NOL9: variants seen among roughly 807,000 people sequenced by gnomAD.
NOL9 encodes nucleolar protein 9, also known as polynucleotide 5'-hydroxyl-kinase NOL9.
In NOL9, 28 loss-of-function variants were observed where a neutral mutation model predicts 67.9. The observed-to-expected ratio is 0.41, with a 90% CI of 0.31 to 0.57. The LOEUF (loss-of-function observed/expected upper bound fraction) is 0.57. Ranked by LOEUF, NOL9 falls within the 20% of genes least tolerant of loss-of-function variation. The pLI is 0.25. For missense variants in NOL9, 777 were observed against 897.0 expected (o/e 0.87, Z 1.71); for synonymous variants, 356 against 352.2 (o/e 1.01, Z -0.12).
intron 8 of NOL9, 46 bp downstream of exon 8, chr1:6,532,417 T>C (rs1639049584): frequency 1.9e-6 from 3 of 1,556,074 alleles, no homozygotes; most frequent in Non-Finnish European, 2.6e-6. Context: ...CAGGTCTTTT[T>C]CGACGGAAGG....
intron 5 of NOL9, among the ~76,000 whole-genome samples, chr1:6,542,399 G>A (rs1375372278): frequency 3.4e-5 from 5 of 146,876 alleles, no homozygotes; most frequent in Non-Finnish European, 4.5e-5. Flanking sequence ...GATCTCGTTC[G>A]TGATCTGCCC....
chr1:6,554,367 GCCGACCGCA>G lies in NOL9; in HGVS notation c.127_135del (p.Cys43_Arg45del), dbSNP rs1639622586. On this transcript the variant is annotated inframe_deletion, in exon 1 of 12. Coordinates refer to ENST00000377705, the MANE Select transcript of NOL9 (RefSeq NM_024654.5). ...TGCAGTAACCGCCACCGTAGGCGCC[GCCGACCGCA>G]CCAGCGCAGGCTCCCGAGCCGGCGG... 3.4e-6 allele frequency: 5 copies of G among 1,459,588 alleles called. No homozygotes were observed. The highest frequency in any genetic ancestry group is 4.5e-6 in the Non-Finnish European group (5 of 1,116,120). The allele number at this position is 1,459,588 out of a possible 1,614,324, so 90.4% of individuals were successfully genotyped here. A position where few individuals can be genotyped will look rare whatever the true frequency, so the allele number is the denominator to read the frequency against.
At chr1:6,527,374 T>C (rs2148648579) in intron 10 of NOL9, among the ~76,000 whole-genome samples, 1 of 151,888 alleles carries the variant, frequency 6.6e-6, no homozygotes, top group East Asian at 1.9e-4. Flanking sequence ...TTGGGCCAGC[T>C]GCGGTGGCTA....
chr1:6,526,034 A>G (rs1227100655), intron 11 of NOL9, 31 bp from the exon 12 acceptor site: 2 of 1,605,808 alleles, frequency 1.2e-6, no homozygotes, highest in Admixed American at 1.7e-5. Flanking sequence ...ATGCATGGAA[A>G]CACTCCAGGT....
intron 5 of NOL9, among the ~76,000 whole-genome samples, chr1:6,544,350 C>T (rs1332263893): frequency 1.1e-4 from 4 of 36,326 alleles, no homozygotes; most frequent in African/African-American, 3.5e-4. Context: ...AGCAAGACCT[C>T]ATCTCTACAA....
Position 6,554,117 on chromosome 1 carries a change from G to C in NOL9, c.386C>G (p.Pro129Arg), listed in dbSNP as rs909238471. Residue 129 changes from proline to arginine, a missense_variant, in exon 1 of 12, where the codon CCG (proline) becomes CGG (arginine). Physicochemically the swap from Pro to Arg is moderately radical, Grantham distance 103. Transcript: ENST00000377705. ...VGPGRALLLL[P>R]VEQGFTFSGI... Reference sequence around the variant, plus strand: ...GCGCCCCCCACCTACCTGCTCGACCGGCAGCAGCAGCAACGCGCGGCCGGG... The same window carrying C: ...GCGCCCCCCACCTACCTGCTCGACCCGCAGCAGCAGCAACGCGCGGCCGGG... The C allele has an allele frequency of 1.3e-6, 2 of 1,527,766 alleles. No homozygotes were observed. Among genetic ancestry groups the C allele is most frequent in the Non-Finnish European group, 1.8e-6 (2 of 1,137,076 alleles). 94.6% of individuals were successfully genotyped at this position (1,527,766 alleles called of 1,614,324 possible).
At chr1:6,547,033 A>G (rs546346960) in intron 3 of NOL9, among the ~76,000 whole-genome samples, 1 of 152,310 alleles carries the variant, frequency 6.6e-6, no homozygotes, top group South Asian at 2.1e-4. Flanking sequence ...GACCTACAGG[A>G]CATCACACAC....
chr1:6,532,125 C>T (rs779325138), intron 8 of NOL9, 46 bp from the exon 9 acceptor site: 97 of 1,376,738 alleles, frequency 7.0e-5, no homozygotes, highest in African/African-American at 1.0e-4. Flanking sequence ...TAACCCTCAA[C>T]GGCCACCTCC....
At chr1:6,543,580 G>C (rs978840447) in intron 5 of NOL9, among the ~76,000 whole-genome samples, 1 of 152,112 alleles carries the variant, frequency 6.6e-6, no homozygotes, top group Non-Finnish European at 1.5e-5. Flanking sequence ...GCTCACTGTA[G>C]ACTCGAACTC....
chr1:6,550,363 G>A, intron 2 of NOL9, 33 bp downstream of exon 2: 1 of 1,561,906 alleles, frequency 6.4e-7, no homozygotes, highest in Non-Finnish European at 8.8e-7. Context: ...ATTACAGTAG[G>A]CCCTCAGTAA....
chr1:6,541,048 A>T (rs1040222085), intron 6 of NOL9: 1 of 121,414 alleles, frequency 8.2e-6, no homozygotes, highest in Non-Finnish European at 1.6e-5. Flanking sequence ...ATAGAATCTC[A>T]CTCTGTTGCC....
intron 9 of NOL9, among the ~76,000 whole-genome samples, chr1:6,529,747 G>A (rs188146415): frequency 7.2e-5 from 11 of 152,038 alleles, no homozygotes; most frequent in African/African-American, 2.4e-4. Context: ...CCAACATGGC[G>A]AAACCCTGTC....
chr1:6,529,119 G>T lies in NOL9; in HGVS notation c.1700C>A (p.Thr567Asn). Reference sequence around the variant, plus strand: ...GGCGTTTACAGCATATAGTATATGGGTAGGGGCGACATCAGAGTGGGTAAT... The same window carrying T: ...GGCGTTTACAGCATATAGTATATGGTTAGGGGCGACATCAGAGTGGGTAAT... ...LRITHSDVAP[T>N]HILYAVNASW... Residue 567 changes from threonine (T) to asparagine (N), a missense_variant, in exon 10 of 12, where the codon ACC (threonine) becomes AAC (asparagine). This residue lies in a region of NOL9 where 413 missense variants were observed against 552.6 expected (regional missense o/e 0.75). Coordinates refer to ENST00000377705, the MANE Select transcript of NOL9 (RefSeq NM_024654.5). 6.2e-7 allele frequency: 1 copy of T among 1,614,132 alleles called. No individual in the cohort carries two copies. Among genetic ancestry groups the T allele is most frequent in the Non-Finnish European group, 8.5e-7 (1 of 1,180,016 alleles).
In NOL9 at chr1:6,525,944, TC is replaced by T; in HGVS notation, c.2018del (p.Gly673GlufsTer29). The T allele has an allele frequency of 6.2e-7, 1 of 1,613,992 alleles. No individual in the cohort carries two copies. Among genetic ancestry groups the T allele is most frequent in the Non-Finnish European group, 8.5e-7 (1 of 1,179,876 alleles). ...VTTDYNFKLP[G>X]ASEKIGAREP... ...CTCTTGCTCCAATTTTCTCTGATGC[TC>T]CAGGAAGTTTAAAATTGTAATCCGT... On this transcript the variant is annotated frameshift_variant, in exon 12 of 12. Transcript: ENST00000377705. LOFTEE classifies it low-confidence loss of function (END_TRUNC).
intron 1 of NOL9, among the ~76,000 whole-genome samples, chr1:6,552,631 C>T (rs941444366): frequency 1.3e-5 from 2 of 151,904 alleles, no homozygotes; most frequent in Non-Finnish European, 2.9e-5. Flanking sequence ...TCCAAAAGTG[C>T]TGGGATTACA....
At chr1:6,544,282 CA>C (rs573645869) in intron 5 of NOL9, among the ~76,000 whole-genome samples, 1,676 of 137,748 alleles carry the variant, frequency 0.012, 19 homozygotes, top group Middle Eastern at 0.07. Context: ...GACCCGGTCT[CA>C]AAAAAAAAAA....
At chr1:6,549,019 G>T (rs988670918) in intron 3 of NOL9, among the ~76,000 whole-genome samples, 1 of 151,998 alleles carries the variant, frequency 6.6e-6, no homozygotes, top group Non-Finnish European at 1.5e-5. Context: ...GAGGCAGAGG[G>T]TGCAGTGAGC....
intron 9 of NOL9, among the ~76,000 whole-genome samples, chr1:6,529,849 C>T (rs907175495): frequency 6.6e-6 from 1 of 151,962 alleles, no homozygotes; most frequent in African/African-American, 2.4e-5. Context: ...TCACTTGAAC[C>T]CAGGAGGCGG....
At chr1:6,531,897 C>G (rs1570045195) in intron 9 of NOL9, 71 bp downstream of exon 9, 1 of 1,146,810 alleles carries the variant, frequency 8.7e-7, no homozygotes, top group African/African-American at 1.5e-5. Flanking sequence ...GTTAGGAGAG[C>G]GCCCAGCACA....
Sources: gnomAD v4.1 joint callset for allele counts (sites outside exome capture counted in the v4.1 genomes callset) on GRCh38, gnomAD v4.1.1 for gene constraint, gnomAD v4.1.1 regional missense constraint, MANE v1.5 for transcripts, NCBI Gene and HGNC (gene_info 2026-07-23, HGNC 2026-07-21) for gene names.